Variants in WFDC1 observed in about 807,000 individuals in gnomAD.
WFDC1 encodes the protein WAP four-disulfide core domain 1.
In WFDC1, 39 loss-of-function variants were observed where a neutral mutation model predicts 32.9. The observed-to-expected ratio is 1.19, with a 90% CI of 0.92 to 1.55. WFDC1 has a LOEUF of 1.55. Ranked by LOEUF, WFDC1 falls within the 40% of genes most tolerant of loss-of-function variation. WFDC1 has a pLI of 0.00. For missense variants in WFDC1, 386 were observed against 309.5 expected, an observed-to-expected ratio of 1.25 and a Z score of -1.85; for synonymous variants, 184 against 137.4, an observed-to-expected ratio of 1.34 and a Z score of -2.37.
chr16:84,318,222 G>A (rs187372), intron 2 of WFDC1, 50 bp from the exon 3 acceptor site: 456,596 of 1,593,782 alleles, frequency 0.29, 69,442 homozygotes, highest in East Asian at 0.55. Flanking sequence ...AAGCCTGGGC[G>A]TTTCTCAGCT....
At chr16:84,308,826 T>TGA (rs934202473) in intron 1 of WFDC1, among the ~76,000 whole-genome samples, 11 of 113,310 alleles carry the variant, frequency 9.7e-5, no homozygotes, top group African/African-American at 3.4e-4. Context: ...CCATCCTCAG[T>TGA]GTAGATGCCA....
chr16:84,301,276 TGCA>T (rs2151366746), intron 1 of WFDC1, among the ~76,000 whole-genome samples: 1 of 152,320 alleles, frequency 6.6e-6, no homozygotes, highest in South Asian at 2.1e-4. Flanking sequence ...GGCATTTTGT[TGCA>T]GCACCCTCGG....
chr16:84,309,337 C>T (rs1237177535), intron 1 of WFDC1, among the ~76,000 whole-genome samples: 1 of 152,014 alleles, frequency 6.6e-6, no homozygotes, highest in African/African-American at 2.4e-5. Flanking sequence ...GACTTTGTCC[C>T]GAGGGTGCTG....
At chr16:84,319,822 A>C (rs1213604640) in intron 4 of WFDC1, among the ~76,000 whole-genome samples, 1 of 152,124 alleles carries the variant, frequency 6.6e-6, no homozygotes, top group African/African-American at 2.4e-5. Flanking sequence ...TGCACCTCCC[A>C]GCTGGGCGAC....
At chr16:84,306,503 A>C (rs749748340) in intron 1 of WFDC1, among the ~76,000 whole-genome samples, 1 of 152,236 alleles carries the variant, frequency 6.6e-6, no homozygotes, top group Non-Finnish European at 1.5e-5. Context: ...TTTTGAAAGC[A>C]TCCTTCCTCA....
intron 3 of WFDC1, 138 bp from the exon 4 acceptor site, chr16:84,319,292 TG>T: frequency 1.7e-6 from 2 of 1,196,190 alleles, no homozygotes; most frequent in Non-Finnish European, 2.3e-6. Context: ...GCCTGGAACC[TG>T]GGGTACAGAG....
intron 1 of WFDC1, 176 bp downstream of exon 1, chr16:84,295,291 C>G: frequency 1.4e-6 from 1 of 696,996 alleles, no homozygotes; most frequent in Non-Finnish European, 2.2e-6. Context: ...GGGCTCACCC[C>G]CAAAAAAGGA....
At chr16:84,322,292 A>T (rs1194068604) in intron 4 of WFDC1, among the ~76,000 whole-genome samples, 1 of 152,000 alleles carries the variant, frequency 6.6e-6, no homozygotes. Context: ...AGCAATAATT[A>T]CTGGTAATTT....
At chr16:84,319,402 C>G in intron 3 of WFDC1, 29 bp from the exon 4 acceptor site, 2 of 1,604,486 alleles carry the variant, frequency 1.2e-6, no homozygotes, top group South Asian at 1.1e-5. Context: ...AGTCGGCCTT[C>G]TAGACCCCAG....
In WFDC1 at chr16:84,326,908, C is replaced by G. The variant is rs1283479752; in HGVS notation, c.631C>G (p.Pro211Ala). ...AGGTGACTCAAAGAATGTGGCAGAA[C>G]CTGGAAGGGGACAACAGAAGCACTT... ...PEGDSKNVAE[P>A]GRGQQKHFQ The change falls in exon 6 of 7, where the codon CCT (proline) becomes GCT (alanine). Residue 211 changes from proline (P) to alanine (A), a missense_variant. By Grantham distance (27) the Pro-to-Ala change is conservative. Transcript: ENST00000219454. The G allele has an allele frequency of 6.2e-7, 1 of 1,613,900 alleles. No homozygotes were observed. The highest frequency in any genetic ancestry group is 1.3e-5 in the African/African-American group (1 of 74,852).
chr16:84,305,011 C>G (rs244841), intron 1 of WFDC1, among the ~76,000 whole-genome samples: 49,793 of 152,126 alleles, frequency 0.33, 8,526 homozygotes, highest in East Asian at 0.48. Flanking sequence ...AGGACAGACC[C>G]AGGTTCGAGT....
intron 1 of WFDC1, among the ~76,000 whole-genome samples, chr16:84,311,695 C>CCT (rs35711981): frequency 6.8e-5 from 5 of 73,446 alleles, no homozygotes; most frequent in African/African-American, 2.9e-4. Flanking sequence ...TGCCTGACTG[C>CCT]TTTTTTTTTT....
At chr16:84,304,908 G>A (rs1907160297) in intron 1 of WFDC1, among the ~76,000 whole-genome samples, 4 of 152,188 alleles carry the variant, frequency 2.6e-5, no homozygotes, top group Admixed American at 2.6e-4. Context: ...GGGGGAGAGA[G>A]CCCCTGGACT....
intron 4 of WFDC1, among the ~76,000 whole-genome samples, chr16:84,322,145 C>CTGTGTGTGTGTGTGTG (rs751867533): frequency 3.7e-5 from 4 of 109,330 alleles, no homozygotes; most frequent in Non-Finnish European, 8.4e-5. Context: ...GCCTCAGAGC[C>CTGTGTGTGTGTGTGTG]TGTGTGTGTG....
chr16:84,307,885 T>C (rs1343858127), intron 1 of WFDC1, among the ~76,000 whole-genome samples: 1 of 152,122 alleles, frequency 6.6e-6, no homozygotes, highest in Non-Finnish European at 1.5e-5. Context: ...TGGAAAGTTA[T>C]TGGTGGTGGT....
At chr16:84,313,719 A>G (rs1321573322) in intron 2 of WFDC1, among the ~76,000 whole-genome samples, 1 of 152,156 alleles carries the variant, frequency 6.6e-6, no homozygotes, top group Non-Finnish European at 1.5e-5. Context: ...GGAGCTTAGC[A>G]ATCCAGATGG....
At chr16:84,308,683 G>T (rs1010420463) in intron 1 of WFDC1, among the ~76,000 whole-genome samples, 12 of 152,154 alleles carry the variant, frequency 7.9e-5, no homozygotes, top group South Asian at 2.1e-4. Context: ...CAGCCTGGGT[G>T]TAGACGCCAT....
intron 6 of WFDC1, 71 bp downstream of exon 6, chr16:84,327,026 A>G (rs1275560282): frequency 4.6e-6 from 7 of 1,517,340 alleles, no homozygotes; most frequent in Non-Finnish European, 6.4e-6. Context: ...AGCTTTCACC[A>G]CCAGGTTGAG....
Position 84,329,559 on chromosome 16 carries a change from A to G in WFDC1, c.*253A>G, listed in dbSNP as rs1021716261. On this transcript the variant is annotated 3_prime_UTR_variant, in exon 7 of 7. Transcript: ENST00000219454. Reference sequence around the variant, plus strand: ...CCTGGGAGCAAGGCCCTGCAGCTCCACGAGACCTTTACCCCGGGAAGAAGC... The same window carrying G: ...CCTGGGAGCAAGGCCCTGCAGCTCCGCGAGACCTTTACCCCGGGAAGAAGC... 1 of 152,154 alleles carries G rather than the reference A, an allele frequency of 6.6e-6. No individual in the cohort carries two copies. The highest frequency in any genetic ancestry group is 2.4e-5 in the African/African-American group (1 of 41,430). 9.4% of individuals were successfully genotyped at this position (152,154 alleles called of 1,614,324 possible).
Sources: allele counts gnomAD v4.1 joint callset (sites outside exome capture counted in the v4.1 genomes callset), GRCh38; gene constraint gnomAD v4.1.1; transcripts MANE v1.5; gene names NCBI Gene and HGNC (gene_info 2026-07-23, HGNC 2026-07-21).